The following USP39 variants were observed in gnomAD, a reference collection of about 807,000 sequenced individuals.
USP39 encodes the protein ubiquitin carboxyl-terminal hydrolase 39.
In USP39, 38 loss-of-function variants were observed where a neutral mutation model predicts 66.4. The ratio of observed to expected loss-of-function variants is 0.57; its 90% CI spans 0.44 to 0.75. USP39 has a LOEUF of 0.75. Ranked by LOEUF, USP39 falls within the 30% of genes least tolerant of loss-of-function variation. The pLI, the probability that USP39 is intolerant of heterozygous loss-of-function variation, is 0.00. For missense variants in USP39, 608 were observed against 714.4 expected (o/e 0.85, Z 1.70); for synonymous variants, 303 against 274.6 (o/e 1.10, Z -1.02).
rs761489275 is a variant in USP39 at position 85,637,418 on chromosome 2, G to A, written c.1077G>A (p.Lys359=). ...FQGSMRIFTK[K]LPHPDLPAEE... is the part of the protein sequence containing the mutation. ...GGTCCATGAGGATCTTCACTAAAAAGCTTCCCCATCCTGATCTGGTGAGTT... is the reference window on the plus strand; with the variant it reads ...GGTCCATGAGGATCTTCACTAAAAAACTTCCCCATCCTGATCTGGTGAGTT... Residue 359 remains lysine (K), a synonymous_variant, in exon 8 of 13, where the codon AAG becomes AAA. Coordinates refer to ENST00000323701, the MANE Select transcript of USP39 (RefSeq NM_006590.4). 1.3e-5 allele frequency: 21 copies of A among 1,614,062 alleles called. No individual in the cohort carries two copies. Among genetic ancestry groups the A allele is most frequent in the Admixed American group, 5.0e-5 (3 of 60,000 alleles).
upstream of USP39, among the ~76,000 whole-genome samples, chr2:85,614,643 T>C (rs185293480): frequency 6.6e-6 from 1 of 152,338 alleles, no homozygotes; most frequent in African/African-American, 2.4e-5. Context: ...AAAAAGATCA[T>C]GGGGAGATGT....
rs1423843207 is a variant in USP39, at chr2:85,624,084, G to A, written c.570+302G>A. On this transcript the variant is annotated intron_variant, in intron 4 of 12. Transcript: ENST00000323701. Reference sequence around the variant, plus strand: ...TGAAATTATTCTTCTACACTGTGAAGTAGGGATATGAATTGGTCCTGGTGT... The same window carrying A: ...TGAAATTATTCTTCTACACTGTGAAATAGGGATATGAATTGGTCCTGGTGT... Among the ~76,000 whole-genome samples the A allele has an allele frequency of 4.6e-5, 7 of 152,306 alleles. No homozygotes were observed. The East Asian group carries it at 1.3e-3, about 29-fold the overall frequency.
At chr2:85,615,473 G>T (rs1673856664), upstream of USP39, among the ~76,000 whole-genome samples, 1 of 152,130 alleles carries the variant, frequency 6.6e-6, no homozygotes, top group Non-Finnish European at 1.5e-5. Flanking sequence ...GCGTTTTCAT[G>T]GTACCAAGAA....
At chr2:85,611,470 T>C (rs773632877), upstream of USP39, 2 of 1,548,204 alleles carry the variant, frequency 1.3e-6, no homozygotes, top group South Asian at 2.4e-5. Flanking sequence ...CAGCGATGCT[T>C]AACTGGGGGC....
intron 9 of USP39, among the ~76,000 whole-genome samples, chr2:85,640,509 G>C (rs111248305): frequency 0.077 from 11,611 of 150,678 alleles, 1,496 homozygotes; most frequent in African/African-American, 0.27. Context: ...GGCTGGTCTC[G>C]ATCTCCTGGC....
intron 6 of USP39, among the ~76,000 whole-genome samples, chr2:85,632,714 C>T (rs1675451740): frequency 1.3e-5 from 2 of 152,076 alleles, no homozygotes; most frequent in Non-Finnish European, 2.9e-5. Flanking sequence ...TCCCAAAGTG[C>T]TGGGATTACA....
chr2:85,616,530 A>C (rs1673972318), intron 1 of USP39, 67 bp downstream of exon 1: 1 of 1,351,024 alleles, frequency 7.4e-7, no homozygotes, highest in Non-Finnish European at 9.6e-7. Context: ...TCTTGTCTCT[A>C]ATCTTCCGCT....
Position 85,637,404 on chromosome 2 carries a change from A to G in USP39, c.1063A>G (p.Ile355Val), listed in dbSNP as rs1675858780. 1 of 1,613,974 alleles carries G rather than the reference A, an allele frequency of 6.2e-7. No individual in the cohort carries two copies. The highest frequency in any genetic ancestry group is 1.7e-5 in the Admixed American group (1 of 59,978). ...VTDVFQGSMR[I>V]FTKKLPHPDL... ...TGATGTTTTCCAGGGGTCCATGAGG[A>G]TCTTCACTAAAAAGCTTCCCCATCC... Residue 355 changes from isoleucine (I) to valine (V), a missense_variant, in exon 8 of 13, where the codon ATC becomes GTC. Transcript: ENST00000323701.
chr2:85,617,096 C>T (rs1674045849), intron 1 of USP39, among the ~76,000 whole-genome samples: 1 of 151,050 alleles, frequency 6.6e-6, no homozygotes, highest in African/African-American at 2.4e-5. Context: ...TACTTCCTTC[C>T]ATTTTAAAAA....
chr2:85,625,830 C>T, intron 5 of USP39, 139 bp downstream of exon 5: 4 of 1,067,938 alleles, frequency 3.7e-6, no homozygotes, highest in Non-Finnish European at 5.2e-6. Context: ...CCAGCCTGGC[C>T]AACATGGAGA....
At chr2:85,612,301 T>C (rs2104174779), upstream of USP39, 1 of 1,535,750 alleles carries the variant, frequency 6.5e-7, no homozygotes, top group East Asian at 2.4e-5. Context: ...TTCAGAAAAA[T>C]GCAAATCATC....
upstream of USP39, chr2:85,608,938 A>C: frequency 6.2e-7 from 1 of 1,614,102 alleles, no homozygotes; most frequent in Non-Finnish European, 8.5e-7. Context: ...GAACGCCTTC[A>C]ACATGGTCAG....
chr2:85,611,269 A>T, upstream of USP39: 1 of 1,406,480 alleles, frequency 7.1e-7, no homozygotes, highest in Non-Finnish European at 9.2e-7. Flanking sequence ...GTCATATATT[A>T]ACCAGTGTGA....
chr2:85,633,105 A>T (rs6547629), intron 6 of USP39, among the ~76,000 whole-genome samples: 73,012 of 151,952 alleles, frequency 0.48, 21,524 homozygotes, highest in African/African-American at 0.84. Context: ...ATCCTGAAAA[A>T]AGCTGGAGTC....
chr2:85,623,156 A>T (rs1674590512), intron 3 of USP39, among the ~76,000 whole-genome samples: 1 of 152,216 alleles, frequency 6.6e-6, no homozygotes, highest in Non-Finnish European at 1.5e-5. Context: ...GAGTAGCAAC[A>T]TGAAAAAAGT....
Position 85,639,399 on chromosome 2 carries a change from A to C in USP39, c.1284+8A>C. On this transcript the variant is annotated splice_region_variant and intron_variant, in intron 9 of 12. Coordinates refer to ENST00000323701, the MANE Select transcript of USP39 (RefSeq NM_006590.4). ...AATGGCATCACTGAGAAGGTAGCCC[A>C]TTAACACACCTGCCCTGCCTATACT... The C allele has an allele frequency of 6.2e-7, 1 of 1,611,700 alleles. No individual in the cohort carries two copies. The highest frequency in any genetic ancestry group is 8.5e-7 in the Non-Finnish European group (1 of 1,178,840).
intron 8 of USP39, 145 bp from the exon 9 acceptor site, chr2:85,639,058 G>T: frequency 1.4e-6 from 1 of 720,148 alleles, no homozygotes; most frequent in South Asian, 2.1e-5. Context: ...TAACCAGGTG[G>T]TGCATGCCAA....
intron 10 of USP39, among the ~76,000 whole-genome samples, chr2:85,644,337 C>T (rs1676482493): frequency 6.6e-6 from 1 of 151,994 alleles, no homozygotes; most frequent in Admixed American, 6.6e-5. Context: ...TTTGTAGACT[C>T]CAAAATGATA....
chr2:85,609,427 A>G, upstream of USP39: 1 of 1,613,552 alleles, frequency 6.2e-7, no homozygotes, highest in Non-Finnish European at 8.5e-7. Flanking sequence ...TGTTTCCACC[A>G]GGCGTACCTG....
Sources: allele counts gnomAD v4.1 joint callset (sites outside exome capture counted in the v4.1 genomes callset), GRCh38; gene constraint gnomAD v4.1.1; transcripts MANE v1.5; gene names NCBI Gene and HGNC (gene_info 2026-07-23, HGNC 2026-07-21).